OXR1: variants seen among roughly 807,000 people sequenced by gnomAD.
The protein encoded by OXR1 is oxidation resistance 1.
OXR1 carries 41 observed loss-of-function variants against 104.6 expected under a neutral mutation model. That is an observed-to-expected ratio of 0.39 (90% CI 0.31 to 0.51). The LOEUF (loss-of-function observed/expected upper bound fraction) is 0.51, where lower values mean the gene tolerates loss of function less well. OXR1 is among the 20% of genes least tolerant of loss of function. OXR1 has a pLI of 0.77. For missense variants in OXR1, 955 were observed against 1,031.9 expected (o/e 0.93, Z 1.02); for synonymous variants, 348 against 348.4 (o/e 1.00, Z 0.01).
intron 1 of OXR1, among the ~76,000 whole-genome samples, chr8:106,333,264 A>G (rs1246785925): frequency 6.6e-6 from 1 of 152,098 alleles, no homozygotes; most frequent in Non-Finnish European, 1.5e-5. Flanking sequence ...TCAGCAATAT[A>G]TGGAGATTCA....
At chr8:106,425,599 G>T (rs1288117868) in intron 2 of OXR1, among the ~76,000 whole-genome samples, 1 of 152,138 alleles carries the variant, frequency 6.6e-6, no homozygotes, top group Non-Finnish European at 1.5e-5. Context: ...CACACCATCT[G>T]CAGTACCATG....
chr8:106,705,845 T>C lies in OXR1; in HGVS notation c.861-537T>C, dbSNP rs1531471. On this transcript the variant is annotated intron_variant, in intron 8 of 16. Transcript: ENST00000517566. ...TAGCCTGAAGATTTTCTCTATATAC[T>C]TTTGCTTGAGTTTTATTCAGATTGG... 8.0e-3 allele frequency among the ~76,000 whole-genome samples: 1,215 copies of C among 152,240 alleles called. 46 individuals carry two copies. The East Asian group carries it at 0.12, about 15-fold the overall frequency.
intron 2 of OXR1, among the ~76,000 whole-genome samples, chr8:106,419,259 A>G (rs1454732803): frequency 2.0e-5 from 3 of 152,260 alleles, no homozygotes; most frequent in East Asian, 1.9e-4. Flanking sequence ...ACTTAAAAGG[A>G]TGTGCTCATT....
At chr8:106,520,664 G>C (rs930360995) in intron 3 of OXR1, 1 of 152,158 alleles carries the variant, frequency 6.6e-6, no homozygotes, top group African/African-American at 2.4e-5. Context: ...TAAAACCTAT[G>C]CTAGCACAGT....
intron 2 of OXR1, among the ~76,000 whole-genome samples, chr8:106,491,590 C>T (rs1002402027): frequency 1.3e-5 from 2 of 152,134 alleles, no homozygotes; most frequent in African/African-American, 4.8e-5. Flanking sequence ...TGTGAAATTT[C>T]TAGTTTTCAA....
chr8:106,720,929 G>A (rs941820578), intron 11 of OXR1, among the ~76,000 whole-genome samples: 8 of 152,154 alleles, frequency 5.3e-5, no homozygotes, highest in African/African-American at 1.9e-4. Flanking sequence ...GTAATATAAA[G>A]ATGAATTTGG....
intron 16 of OXR1, among the ~76,000 whole-genome samples, chr8:106,750,160 A>AG (rs1835754836): frequency 6.6e-6 from 1 of 151,208 alleles, no homozygotes; most frequent in Non-Finnish European, 1.5e-5. Context: ...ACATACACAA[A>AG]AAAAAAACCA....
chr8:106,479,973 T>G (rs1040562913), intron 2 of OXR1, among the ~76,000 whole-genome samples: 8 of 152,004 alleles, frequency 5.3e-5, no homozygotes, highest in African/African-American at 1.9e-4. Context: ...TGGTTAGTTA[T>G]GTAGGCGGGA....
intron 3 of OXR1, among the ~76,000 whole-genome samples, chr8:106,563,799 A>C (rs1816866900): frequency 6.6e-6 from 1 of 152,244 alleles, no homozygotes; most frequent in Admixed American, 6.5e-5. Context: ...CTCTCAGACC[A>C]CAGTGCAATC....
chr8:106,384,606 C>T (rs917903912), intron 2 of OXR1, among the ~76,000 whole-genome samples: 2 of 152,074 alleles, frequency 1.3e-5, no homozygotes, highest in Admixed American at 1.3e-4. Context: ...AAGCTCTTAT[C>T]TTTGGTGTGC....
chr8:106,746,551 G>A (rs1032953533), intron 16 of OXR1, among the ~76,000 whole-genome samples: 16 of 152,142 alleles, frequency 1.1e-4, no homozygotes, highest in African/African-American at 3.9e-4. Context: ...ACTTGTAAAA[G>A]TGTTACATTA....
chr8:106,394,986 T>C (rs1226945087), intron 2 of OXR1, among the ~76,000 whole-genome samples: 1 of 152,084 alleles, frequency 6.6e-6, no homozygotes, highest in Non-Finnish European at 1.5e-5. Context: ...ATGTATGTTA[T>C]AACCTCACTA....
chr8:106,474,042 C>T (rs1438292920), intron 2 of OXR1, among the ~76,000 whole-genome samples: 1 of 147,910 alleles, frequency 6.8e-6, no homozygotes, highest in Non-Finnish European at 1.5e-5. Flanking sequence ...CACACACACA[C>T]ACACACACAC....
chr8:106,396,862 T>C (rs1012009572), intron 2 of OXR1, among the ~76,000 whole-genome samples: 1 of 152,122 alleles, frequency 6.6e-6, no homozygotes, highest in African/African-American at 2.4e-5. Flanking sequence ...CTCTCTATAC[T>C]GTATTTGAAA....
At chr8:106,565,773 A>G (rs1389312347) in intron 3 of OXR1, among the ~76,000 whole-genome samples, 1 of 152,192 alleles carries the variant, frequency 6.6e-6, no homozygotes, top group Non-Finnish European at 1.5e-5. Context: ...ACTGCTACCA[A>G]AACAGGTATG....
At chr8:106,685,053 G>GAGAA (rs1285541569) in intron 6 of OXR1, among the ~76,000 whole-genome samples, 1 of 152,002 alleles carries the variant, frequency 6.6e-6, no homozygotes, top group Non-Finnish European at 1.5e-5. Flanking sequence ...GAAAGAGAGA[G>GAGAA]AGAAATGAGG....
chr8:106,694,927 T>TTATATATATATATAAATATAAAATATTTA (rs74820226), intron 7 of OXR1, among the ~76,000 whole-genome samples: 2 of 136,638 alleles, frequency 1.5e-5, no homozygotes, highest in African/African-American at 5.3e-5. Context: ...TTATATATAT[T>TTATATATATATATAAATATAAAATATTTA]TATATATATA....
intron 7 of OXR1, chr8:106,698,126 C>G: frequency 9.2e-6 from 6 of 650,298 alleles, no homozygotes; most frequent in Non-Finnish European, 1.1e-5. Context: ...TATTTTCTAC[C>G]CAGATATCCT....
chr8:106,599,181 C>T (rs1371500365), intron 3 of OXR1, among the ~76,000 whole-genome samples: 1 of 152,060 alleles, frequency 6.6e-6, no homozygotes, highest in Non-Finnish European at 1.5e-5. Context: ...TTTCTTTCTC[C>T]CCAGTTGCTA....
Sources: allele counts gnomAD v4.1 joint callset (sites outside exome capture counted in the v4.1 genomes callset), GRCh38; gene constraint gnomAD v4.1.1; transcripts MANE v1.5; gene names NCBI Gene and HGNC (gene_info 2026-07-23, HGNC 2026-07-21).